INA: variants seen among roughly 807,000 people sequenced by gnomAD.
INA encodes the protein internexin neuronal intermediate filament protein alpha.
In INA, 35 loss-of-function variants were observed where a neutral mutation model predicts 40.1. The ratio of observed to expected loss-of-function variants is 0.87; its 90% CI spans 0.67 to 1.16. INA has a LOEUF of 1.16. INA is among the 50% of genes most tolerant of loss of function. The pLI is 0.00. For synonymous variants in INA, 290 were observed against 316.9 expected, an observed-to-expected ratio of 0.92 and a Z score of 0.90; for missense variants, 594 against 686.7, an observed-to-expected ratio of 0.87 and a Z score of 1.51.
intron 2 of INA, 80 bp downstream of exon 2, chr10:103,287,239 C>CCCAAATAAG: frequency 6.7e-6 from 10 of 1,482,448 alleles, no homozygotes; most frequent in Non-Finnish European, 8.2e-6. Context: ...TCTAGTCTCT[C>CCCAAATAAG]TGGCTTCTGA....
chr10:103,288,673 C>A lies in INA; in HGVS notation c.*4C>A. The A allele has an allele frequency of 6.5e-7, 1 of 1,546,850 alleles. No individual in the cohort carries two copies. Among genetic ancestry groups the A allele is most frequent in the South Asian group, 1.2e-5 (1 of 81,188 alleles). On this transcript the variant is annotated 3_prime_UTR_variant, in exon 3 of 3. Coordinates refer to ENST00000369849, the MANE Select transcript of INA (RefSeq NM_032727.4). Reference sequence around the variant, plus strand: ...CATTTCAAGCCAAAAAATATAATTCCATTGCTTTGAAAAAGTTAATGCTTA... The same window carrying A: ...CATTTCAAGCCAAAAAATATAATTCAATTGCTTTGAAAAAGTTAATGCTTA...
chr10:103,288,568 G>A lies in INA; in HGVS notation c.1399G>A (p.Gly467Arg). 3 of 1,613,594 alleles carry A rather than the reference G, an allele frequency of 1.9e-6. No homozygotes were observed. The highest frequency in any genetic ancestry group is 1.7e-6 in the Non-Finnish European group (2 of 1,179,678). Reference protein sequence around the residue: ...KVASKKTSQIGESFEEILEET... With the variant: ...KVASKKTSQIRESFEEILEET... The stretch of plus-strand genomic sequence containing the variant: ...AGCCTCTAAGAAAACCTCCCAGATA[G>A]GGGAAAGTTTTGAAGAAATATTAGA... The change falls in exon 3 of 3, where the codon GGG (glycine) becomes AGG (arginine). Residue 467 changes from glycine (G) to arginine (R), a missense_variant. Physicochemically the swap from Gly to Arg is moderately radical, Grantham distance 125. This residue lies in a region of INA where 379 missense variants were observed against 496.1 expected (regional missense o/e 0.76). Coordinates refer to ENST00000369849, the MANE Select transcript of INA (RefSeq NM_032727.4).
chr10:103,288,453 A>G lies in INA; in HGVS notation c.1284A>G (p.Pro428=). Residue 428 remains proline, a synonymous_variant, in exon 3 of 3, where the codon CCA becomes CCG. Coordinates refer to ENST00000369849, the MANE Select transcript of INA (RefSeq NM_032727.4). ...TTCCCAATCCAAGTTACCTGCTCCC[A>G]CCTAGAATCCTCAGTGCTACAACCT... ...NPLPNPSYLL[P]PRILSATTSK... The G allele has an allele frequency of 6.2e-7, 1 of 1,614,078 alleles. No homozygotes were observed. Among genetic ancestry groups the G allele is most frequent in the African/African-American group, 1.3e-5 (1 of 75,028 alleles).
At chr10:103,282,369 C>T (rs528781309) in intron 1 of INA, among the ~76,000 whole-genome samples, 1 of 152,296 alleles carries the variant, frequency 6.6e-6, no homozygotes, top group Non-Finnish European at 1.5e-5. Flanking sequence ...ACCTCTACTG[C>T]CCCCAGCCTA....
Position 103,277,278 on chromosome 10 carries a change from T to C in INA, c.67T>C (p.Ser23Pro), listed in dbSNP as rs1281917623. 1.3e-6 allele frequency: 2 copies of C among 1,587,440 alleles called. No individual in the cohort carries two copies. The highest frequency in any genetic ancestry group is 2.8e-5 in the African/African-American group (2 of 71,752). ...CTACCGCAAGGTGTTCGGGGATGGC[T>C]CTCGCCTGTCCGCCCGCCTCTCTGG... is the stretch of plus-strand genomic sequence containing the variant. Reference protein sequence around the residue: ...SSYRKVFGDGSRLSARLSGAG... With the variant: ...SSYRKVFGDGPRLSARLSGAG... The change falls in exon 1 of 3, where the codon TCT (serine) becomes CCT (proline). Residue 23 changes from serine (S) to proline (P), a missense_variant. Ser to Pro is a moderately conservative substitution (Grantham distance 74). Coordinates refer to ENST00000369849, the MANE Select transcript of INA (RefSeq NM_032727.4). This position sits in a 1 kb window ranked among gnomAD's most constrained non-coding sequence, Gnocchi z 5.6.
At position 103,277,868 on chromosome 10, in the gene INA, G is replaced by A. The variant is rs1340256767; in HGVS notation, c.657G>A (p.Ser219=). The change falls in exon 1 of 3, where the codon TCG becomes TCA. Residue 219 remains serine, a synonymous_variant. Transcript: ENST00000369849. This position sits in a 1 kb window ranked among gnomAD's most constrained non-coding sequence, Gnocchi z 5.6. ...TGGACCTGGAGAAGAAGGTGGAGTCGCTGCTGGACGAGCTGGCCTTCGTAC... is the reference window on the plus strand; with the variant it reads ...TGGACCTGGAGAAGAAGGTGGAGTCACTGCTGGACGAGCTGGCCTTCGTAC... The part of the protein sequence containing the change: ...ARLDLEKKVE[S]LLDELAFVRQ... The A allele has an allele frequency of 1.6e-5, 25 of 1,549,138 alleles. No individual in the cohort carries two copies. Among genetic ancestry groups the A allele is most frequent in the Non-Finnish European group, 2.2e-5 (25 of 1,146,830 alleles).
intron 1 of INA, among the ~76,000 whole-genome samples, chr10:103,282,216 C>G (rs1016668617): frequency 6.6e-6 from 1 of 152,184 alleles, no homozygotes; most frequent in Admixed American, 6.5e-5. Context: ...AAGGAAATCT[C>G]ATCTGTCTAG....
Position 103,277,406 on chromosome 10 carries a change from C to A in INA, c.195C>A (p.Ala65=). ...SSASSLGLGL[A]YRRPPASDGL... is the part of the protein sequence containing the mutation. ...CCTCGTCGCTCGGCCTCGGCCTGGCCTATCGCCGGCCGCCGGCGTCCGACG... is the reference window on the plus strand; with the variant it reads ...CCTCGTCGCTCGGCCTCGGCCTGGCATATCGCCGGCCGCCGGCGTCCGACG... Residue 65 remains alanine (A), a synonymous_variant, in exon 1 of 3, where the codon GCC becomes GCA. Transcript: ENST00000369849. The surrounding 1 kb of genome is among the most constrained non-coding windows in gnomAD (Gnocchi z 5.6). 1 of 1,558,776 alleles carries A rather than the reference C, an allele frequency of 6.4e-7. No homozygotes were observed. The highest frequency in any genetic ancestry group is 8.6e-7 in the Non-Finnish European group (1 of 1,159,026).
At position 103,288,343 on chromosome 10, in the gene INA, C is replaced by T. The variant is rs1345244501; in HGVS notation, c.1191-17C>T. Reference sequence around the variant, plus strand: ...AGTTATTGACTTCCTAAGAGTTTTTCTCTGTTGAATTTACAGGAAACTGCT... The same window carrying T: ...AGTTATTGACTTCCTAAGAGTTTTTTTCTGTTGAATTTACAGGAAACTGCT... On this transcript the variant is annotated splice_polypyrimidine_tract_variant and intron_variant, in intron 2 of 2. Coordinates refer to ENST00000369849, the MANE Select transcript of INA (RefSeq NM_032727.4). The T allele has an allele frequency of 1.3e-6, 2 of 1,574,170 alleles. No individual in the cohort carries two copies. The highest frequency in any genetic ancestry group is 8.6e-7 in the Non-Finnish European group (1 of 1,164,252).
chr10:103,278,119 AGGCCATCCG>A lies in INA; in HGVS notation c.914_922del (p.Ile305_Ala307del). 2 of 1,612,998 alleles carry A rather than the reference AGGCCATCCG, an allele frequency of 1.2e-6. No homozygotes were observed. Among genetic ancestry groups the A allele is most frequent in the Non-Finnish European group, 1.7e-6 (2 of 1,179,870 alleles). On this transcript the variant is annotated inframe_deletion, in exon 1 of 3. Transcript: ENST00000369849. This position sits in a 1 kb window ranked among gnomAD's most constrained non-coding sequence, Gnocchi z 4.9. ...AACGAGCAGGCGGCGCGCAGCACCGAGGCCATCCGGGCCAGCCGCGAGGAGATCCACGAG... is the reference window on the plus strand; with the variant it reads ...AACGAGCAGGCGGCGCGCAGCACCGAGGCCAGCCGCGAGGAGATCCACGAG...
chr10:103,280,083 T>C, intron 1 of INA: 2 of 1,223,442 alleles, frequency 1.6e-6, no homozygotes, highest in South Asian at 1.4e-5. Context: ...TTCTAAGAAG[T>C]AGTGACAGTT....
At chr10:103,286,198 G>A (rs1324329227) in intron 1 of INA, among the ~76,000 whole-genome samples, 1 of 151,840 alleles carries the variant, frequency 6.6e-6, no homozygotes, top group Non-Finnish European at 1.5e-5. Context: ...GCCAGGCATG[G>A]TAGTGTACAC....
rs913137612 is a variant in INA, at chr10:103,278,870, A to T, written c.1065+594A>T. ...CCACCCTGCTCTACCCACCTCCCCA[A>T]CACACACACACACACGATTCCCTTG... On this transcript the variant is annotated intron_variant, in intron 1 of 2. Transcript: ENST00000369849. The surrounding 1 kb of genome is among the most constrained non-coding windows in gnomAD (Gnocchi z 4.9). Among the ~76,000 whole-genome samples the T allele has an allele frequency of 2.1e-5, 3 of 144,132 alleles. No individual in the cohort carries two copies. Among genetic ancestry groups the T allele is most frequent in the Non-Finnish European group, 1.5e-5 (1 of 65,900 alleles). 94.6% of individuals were successfully genotyped at this position (144,132 alleles called of 152,430 possible).
rs751535812 is a variant in INA, at chr10:103,277,334, G to A, written c.123G>A (p.Gln41=). The change falls in exon 1 of 3, where the codon CAG becomes CAA. Residue 41 remains glutamine (Q), a synonymous_variant. Coordinates refer to ENST00000369849, the MANE Select transcript of INA (RefSeq NM_032727.4). This position sits in a 1 kb window ranked among gnomAD's most constrained non-coding sequence, Gnocchi z 5.6. ...GCGGCGCGGGCGGCTTCCGCTCGCA[G>A]TCGCTGTCCCGCAGCAATGTGGCCT... The part of the protein sequence containing the change: ...GAGGAGGFRS[Q]SLSRSNVASS... 2 of 1,583,568 alleles carry A rather than the reference G, an allele frequency of 1.3e-6. No individual in the cohort carries two copies. Among genetic ancestry groups the A allele is most frequent in the Non-Finnish European group, 8.5e-7 (1 of 1,170,744 alleles).
At chr10:103,280,196 T>C (rs2093069724) in intron 1 of INA, 1 of 985,320 alleles carries the variant, frequency 1.0e-6, no homozygotes. Context: ...ACAGAGAAAC[T>C]GCAGCATCTG....
chr10:103,281,757 GTTC>G (rs1430015191), intron 1 of INA, among the ~76,000 whole-genome samples: 5 of 152,188 alleles, frequency 3.3e-5, no homozygotes, highest in African/African-American at 9.7e-5. Flanking sequence ...CAGCTCTGTC[GTTC>G]TTCTTCACCA....
rs369168949 is a variant in INA at position 103,278,903 on chromosome 10, G to GCACACACACACACACACACACACA, written c.1065+635_1065+658dup. On this transcript the variant is annotated intron_variant, in intron 1 of 2. Transcript: ENST00000369849. The surrounding 1 kb of genome is among the most constrained non-coding windows in gnomAD (Gnocchi z 4.9). ...ACACACACGATTCCCTTGTCCACCA[G>GCACACACACACACACACACACACA]CACACACACACACACACACACACAC... Among the ~76,000 whole-genome samples, 274 of 136,868 alleles carry GCACACACACACACACACACACACA rather than the reference G, an allele frequency of 2.0e-3. 2 individuals carry two copies. The highest frequency in any genetic ancestry group is 3.6e-3 in the African/African-American group (132 of 36,708). The allele number at this position is 136,868 out of a possible 152,430, so 89.8% of individuals were successfully genotyped here. A position where few individuals can be genotyped will look rare whatever the true frequency, so the allele number is the denominator to read the frequency against.
intron 1 of INA, among the ~76,000 whole-genome samples, 160 bp from the exon 2 acceptor site, chr10:103,286,875 G>C (rs1002712779): frequency 2.0e-5 from 3 of 152,138 alleles, no homozygotes; most frequent in African/African-American, 7.2e-5. Flanking sequence ...CAGAACCAGT[G>C]AATCTGGATC....
Position 103,288,604 on chromosome 10 carries a change from A to G in INA, c.1435A>G (p.Ile479Val). The G allele has an allele frequency of 1.2e-6, 2 of 1,607,838 alleles. No individual in the cohort carries two copies. The highest frequency in any genetic ancestry group is 2.7e-5 in the African/African-American group (2 of 74,460). Residue 479 changes from isoleucine (I) to valine (V), a missense_variant, in exon 3 of 3, where the codon ATA becomes GTA. By Grantham distance (29) the Ile-to-Val change is conservative. Transcript: ENST00000369849. ...SFEEILEETVISTKKTEKSNI... is the reference protein window; with the variant it reads ...SFEEILEETVVSTKKTEKSNI... ...TGAAGAAATATTAGAGGAGACAGTA[A>G]TATCTACTAAGAAAACCGAGAAATC...
Sources: gnomAD v4.1 joint callset for allele counts (sites outside exome capture counted in the v4.1 genomes callset) on GRCh38, gnomAD v4.1.1 for gene constraint, gnomAD v4.1.1 regional missense constraint, Gnocchi (gnomAD v3.1) non-coding constraint, MANE v1.5 for transcripts, NCBI Gene and HGNC (gene_info 2026-07-23, HGNC 2026-07-21) for gene names.